Variants in ARVCF observed in about 807,000 individuals in gnomAD.
ARVCF encodes ARVCF delta catenin family member, also known as splicing regulator ARVCF.
ARVCF carries 66 observed loss-of-function variants against 90.9 expected under a neutral mutation model. The ratio of observed to expected loss-of-function variants is 0.73; its 90% confidence interval spans 0.60 to 0.89. The LOEUF is 0.89. Ranked by LOEUF, ARVCF falls within the 40% of genes least tolerant of loss-of-function variation. The pLI, the probability that ARVCF is intolerant of heterozygous loss-of-function variation, is 0.00. For synonymous variants in ARVCF, 653 were observed against 603.4 expected (o/e 1.08, Z -1.21); for missense variants, 1,469 against 1,382.3 (o/e 1.06, Z -1.00).
chr22:19,975,256 C>A lies in ARVCF; in HGVS notation c.1960+430G>T, dbSNP rs1336827044. Among the ~76,000 whole-genome samples, 3 of 152,212 alleles carry A rather than the reference C, an allele frequency of 2.0e-5. No homozygotes were observed. In the East Asian group the frequency reaches 5.8e-4, roughly 29 times the overall value. ...ATCCCAGCATACAGCCCAATAGGCA[C>A]TGCCCTGTCCCTGCAGGTGTTCGTC... On this transcript the variant is annotated intron_variant, in intron 11 of 19. Transcript: ENST00000263207.
At chr22:19,996,313 C>CAAA (rs751484877) in intron 2 of ARVCF, among the ~76,000 whole-genome samples, 1 of 129,988 alleles carries the variant, frequency 7.7e-6, no homozygotes, top group Non-Finnish European at 1.7e-5. Context: ...TCTGTATATC[C>CAAA]AAAAAAAAAA....
chr22:19,976,837 G>A (rs1943185086), intron 9 of ARVCF, 114 bp from the exon 10 acceptor site: 1 of 1,254,716 alleles, frequency 8.0e-7, no homozygotes, highest in Non-Finnish European at 1.1e-6. Flanking sequence ...CCTGGATCAA[G>A]CAGGCAGCAT....
At chr22:20,005,695 C>T (rs577172180) in intron 2 of ARVCF, among the ~76,000 whole-genome samples, 1 of 152,120 alleles carries the variant, frequency 6.6e-6, no homozygotes, top group African/African-American at 2.4e-5. Flanking sequence ...TGACAGGCGC[C>T]TGTAGTCCCA....
chr22:19,965,678 T>TTTTCTGGAAAGTC (rs1942353698), downstream of ARVCF: 2 of 152,248 alleles, frequency 1.3e-5, no homozygotes, highest in Non-Finnish European at 2.9e-5. Context: ...CAACAAAAAC[T>TTTTCTGGAAAGTC]TTTCTGGAAA....
Position 19,974,040 on chromosome 22 carries a change from G to A in ARVCF, c.2088+72C>T, listed in dbSNP as rs73387719. On this transcript the variant is annotated intron_variant, in intron 12 of 19. Transcript: ENST00000263207. Reference sequence around the variant, plus strand: ...CTCCTTTCCCCGCCAGCCGAGGCAGGAGCTGCACCAGTGAGGTGCCTGGGA... The same window carrying A: ...CTCCTTTCCCCGCCAGCCGAGGCAGAAGCTGCACCAGTGAGGTGCCTGGGA... 3,971 of 1,548,902 alleles carry A rather than the reference G, an allele frequency of 2.6e-3. 89 individuals carry two copies. In the African/African-American group the frequency reaches 0.045, roughly 17 times the overall value.
rs371704171 is a variant in ARVCF at position 19,971,290 on chromosome 22, C to A, written c.2827G>T (p.Ala943Ser). 3.3e-5 allele frequency: 51 copies of A among 1,557,086 alleles called. No individual in the cohort carries two copies. The South Asian group carries it at 4.6e-4, about 14-fold the overall frequency. Residue 943 changes from alanine (A) to serine (S), a missense_variant, in exon 19 of 20, where the codon GCG becomes TCG. Coordinates refer to ENST00000263207, the MANE Select transcript of ARVCF (RefSeq NM_001670.3). ...CCTACGGCGTCCACCAGCCTGACCG[C>A]GGGCCTGCTGGGCCCGGGGGGAGGG... ...KAPPPGPSRPAVRLVDAVGDA... is the reference protein window; with the variant it reads ...KAPPPGPSRPSVRLVDAVGDA...
intron 11 of ARVCF, among the ~76,000 whole-genome samples, chr22:19,974,713 C>T (rs1475543764): frequency 1.3e-5 from 2 of 151,984 alleles, no homozygotes; most frequent in East Asian, 3.9e-4. Context: ...GTGCAGAGAG[C>T]TACGCCCCCT....
At chr22:19,997,075 G>A (rs531204283) in intron 2 of ARVCF, among the ~76,000 whole-genome samples, 2 of 152,372 alleles carry the variant, frequency 1.3e-5, no homozygotes, top group East Asian at 3.9e-4. Context: ...CAAGACCAAA[G>A]CTACACTGGC....
At chr22:19,971,471 C>A in intron 18 of ARVCF, 136 bp from the exon 19 acceptor site, 1 of 1,105,516 alleles carries the variant, frequency 9.0e-7, no homozygotes, top group South Asian at 1.6e-5. Flanking sequence ...GCACCAAGGG[C>A]GCAGGGAGCC....
intron 3 of ARVCF, among the ~76,000 whole-genome samples, chr22:19,982,304 A>T (rs1311705776): frequency 6.6e-6 from 1 of 152,112 alleles, no homozygotes; most frequent in African/African-American, 2.4e-5. Context: ...CGAGGTGCTA[A>T]CCCTGCCCCG....
Position 19,972,742 on chromosome 22 carries a change from C to G in ARVCF, c.2636G>C (p.Ser879Thr). 3 of 1,609,824 alleles carry G rather than the reference C, an allele frequency of 1.9e-6. No individual in the cohort carries two copies. The highest frequency in any genetic ancestry group is 2.5e-6 in the Non-Finnish European group (3 of 1,177,892). ...DDSTLPLVDK[S>T]LEGEKTGSRD... ...CCCTAAGCTCCACCACTCACCAAGG[C>G]TCTTGTCCACCAGTGGCAGCGTGCT... Residue 879 changes from serine (S) to threonine (T), a missense_variant, in exon 16 of 20, where the codon AGC becomes ACC. Transcript: ENST00000263207.
chr22:19,985,530 A>G (rs1943721107), intron 3 of ARVCF, among the ~76,000 whole-genome samples: 1 of 152,230 alleles, frequency 6.6e-6, no homozygotes, highest in African/African-American at 2.4e-5. Context: ...AGGAGGTGAG[A>G]AGGACAGAGG....
Position 19,979,867 on chromosome 22 carries a change from C to T in ARVCF, c.1272G>A (p.Leu424=), listed in dbSNP as rs1262145745. 6.2e-7 allele frequency: 1 copy of T among 1,608,478 alleles called. No homozygotes were observed. The highest frequency in any genetic ancestry group is 1.7e-5 in the Admixed American group (1 of 59,600). Residue 424 remains leucine, a synonymous_variant, in exon 6 of 20, where the codon CTG becomes CTA. Transcript: ENST00000263207. ...TGTCGCGGCCATAGGAGAGGTTGCG[C>T]AGTGCCCCACAGGCCCGGCGCCGCA... ...AEVRRRACGA[L]RNLSYGRDTD... is the part of the protein sequence containing the mutation.
chr22:19,972,186 G>A (rs1360967756), intron 17 of ARVCF, among the ~76,000 whole-genome samples, 172 bp downstream of exon 17: 1 of 152,106 alleles, frequency 6.6e-6, no homozygotes, highest in East Asian at 1.9e-4. Flanking sequence ...CAGAGCCCCT[G>A]GCTGAGCACT....
chr22:19,996,483 C>G lies in ARVCF; in HGVS notation c.-18-5671G>C, dbSNP rs1325835522. On this transcript the variant is annotated intron_variant, in intron 2 of 19. Coordinates refer to ENST00000263207, the MANE Select transcript of ARVCF (RefSeq NM_001670.3). ...TGTGGGGTGTGCAGGACCCATCACA[C>G]TAGGCTCTCCACTTCTGTGCTTTTG... Among the ~76,000 whole-genome samples, 3 of 152,340 alleles carry G rather than the reference C, an allele frequency of 2.0e-5. 1 individual carries two copies. Among genetic ancestry groups the G allele is most frequent in the Middle Eastern group, 6.8e-3 (2 of 294 alleles).
chr22:20,003,596 C>T (rs537077727), intron 2 of ARVCF, among the ~76,000 whole-genome samples: 19 of 152,208 alleles, frequency 1.2e-4, no homozygotes, highest in African/African-American at 1.9e-4. Flanking sequence ...CAATGTAATA[C>T]GCCACAGTAA....
intron 3 of ARVCF, among the ~76,000 whole-genome samples, chr22:19,988,141 G>A (rs992536563): frequency 8.5e-5 from 13 of 152,158 alleles, no homozygotes; most frequent in African/African-American, 3.1e-4. Flanking sequence ...AACAGCCTCC[G>A]CAGGGACCAC....
chr22:19,992,966 G>A (rs1326978555), intron 2 of ARVCF, among the ~76,000 whole-genome samples: 2 of 152,208 alleles, frequency 1.3e-5, no homozygotes, highest in African/African-American at 2.4e-5. Flanking sequence ...ACCCCACGAT[G>A]ACCTTCTCAT....
intron 5 of ARVCF, 31 bp downstream of exon 5, chr22:19,981,180 A>C: frequency 6.7e-7 from 1 of 1,488,188 alleles, no homozygotes; most frequent in Non-Finnish European, 9.0e-7. Flanking sequence ...TTCCCAGAGG[A>C]GGTAGCCACA....
Sources: gnomAD v4.1 joint callset for allele counts (sites outside exome capture counted in the v4.1 genomes callset) on GRCh38, gnomAD v4.1.1 for gene constraint, MANE v1.5 for transcripts, NCBI Gene and HGNC (gene_info 2026-07-23, HGNC 2026-07-21) for gene names.